The following ATF2 variants were observed in gnomAD, a reference collection of about 807,000 sequenced individuals.
The protein encoded by ATF2 is activating transcription factor 2, also known as cyclic AMP-dependent transcription factor ATF-2.
In ATF2, 24 loss-of-function variants were observed where a neutral mutation model predicts 60.6. The ratio of observed to expected loss-of-function variants is 0.40; its 90% CI spans 0.29 to 0.56. The LOEUF (loss-of-function observed/expected upper bound fraction) is 0.56, where lower values mean the gene tolerates loss of function less well. ATF2 is among the 20% of genes least tolerant of loss of function. ATF2 has a pLI of 0.54. For synonymous variants in ATF2, 206 were observed against 215.4 expected (o/e 0.96, Z 0.38); for missense variants, 433 against 607.7 (o/e 0.71, Z 3.02).
At chr2:175,087,780 T>C (rs533669810) in intron 12 of ATF2, among the ~76,000 whole-genome samples, 2 of 152,240 alleles carry the variant, frequency 1.3e-5, no homozygotes, top group Admixed American at 1.3e-4. Flanking sequence ...GAAAACAAAC[T>C]AGTTTTTAAA....
chr2:175,120,554 A>G (rs1696884015), intron 5 of ATF2, among the ~76,000 whole-genome samples: 1 of 151,692 alleles, frequency 6.6e-6, no homozygotes, highest in African/African-American at 2.4e-5. Context: ...ATACTGATTA[A>G]TAATTTAAAA....
At chr2:175,162,162 G>A (rs1700067417) in intron 1 of ATF2, among the ~76,000 whole-genome samples, 1 of 151,956 alleles carries the variant, frequency 6.6e-6, no homozygotes, top group African/African-American at 2.4e-5. Context: ...CAAAAGTTTT[G>A]GTAAACTTTA....
rs536266406 is a variant in ATF2 at position 175,136,327 on chromosome 2, A to G, written c.32+85T>C. 50 of 1,275,772 alleles carry G rather than the reference A, an allele frequency of 3.9e-5. 2 individuals are homozygous for G. In the East Asian group the frequency reaches 1.1e-3, roughly 29 times the overall value. The allele number at this position is 1,275,772 out of a possible 1,614,324, so 79.0% of individuals were successfully genotyped here. ...TTGTATGGAAAAAAACACCACAAAT[A>G]CTTACCTAATAGAAACAAGCTATAA... On this transcript the variant is annotated intron_variant, in intron 3 of 13. Transcript: ENST00000264110.
chr2:175,084,660 A>T (rs962667680), intron 12 of ATF2, among the ~76,000 whole-genome samples: 3 of 145,782 alleles, frequency 2.1e-5, no homozygotes, highest in African/African-American at 5.1e-5. Context: ...AAAAAAAGTT[A>T]AAAAAAAAAA....
chr2:175,158,733 G>A (rs1359120602), intron 1 of ATF2, among the ~76,000 whole-genome samples: 1 of 151,870 alleles, frequency 6.6e-6, no homozygotes, highest in African/African-American at 2.4e-5. Context: ...GATTGTAGGT[G>A]TGAGCCACTG....
chr2:175,157,560 T>C (rs1477111408), intron 1 of ATF2, among the ~76,000 whole-genome samples: 1 of 152,130 alleles, frequency 6.6e-6, no homozygotes, highest in Non-Finnish European at 1.5e-5. Flanking sequence ...GTAGATCCTA[T>C]TGATTGGTTG....
rs775216680 is a variant in ATF2, at chr2:175,092,002, C to A, written c.1185+1059G>T. 2.0e-5 allele frequency among the ~76,000 whole-genome samples: 3 copies of A among 152,024 alleles called. No individual in the cohort carries two copies. The South Asian group carries it at 6.2e-4, about 32-fold the overall frequency. On this transcript the variant is annotated intron_variant, in intron 12 of 13. Coordinates refer to ENST00000264110, the MANE Select transcript of ATF2 (RefSeq NM_001880.4). ...TTCTTCTAAATCATTAAAATAAAAT[C>A]GTTAAAAATAAGTTCTGCAAGACAA...
intron 3 of ATF2, chr2:175,132,753 A>C (rs1697826677): frequency 6.6e-6 from 1 of 152,218 alleles, no homozygotes; most frequent in African/African-American, 2.4e-5. Flanking sequence ...TAATGAATTC[A>C]GTATCTTTAA....
Position 175,135,006 on chromosome 2 carries a change from T to TAA in ATF2, c.32+1404_32+1405dup, listed in dbSNP as rs60122560. 9.2e-4 allele frequency among the ~76,000 whole-genome samples: 79 copies of TAA among 85,768 alleles called. 1 individual carries two copies. Among genetic ancestry groups the TAA allele is most frequent in the African/African-American group, 2.3e-3 (51 of 22,436 alleles). The allele number at this position is 85,768 out of a possible 152,430, so 56.3% of individuals were successfully genotyped here. On this transcript the variant is annotated intron_variant, in intron 3 of 13. Coordinates refer to ENST00000264110, the MANE Select transcript of ATF2 (RefSeq NM_001880.4). ...GTGACAAAATAAGACCCCATCTCTT[T>TAA]AAAAAAAAAAAAAAAAAAAAAAAAA...
At chr2:175,147,179 T>C (rs768538678) in intron 2 of ATF2, among the ~76,000 whole-genome samples, 13 of 152,206 alleles carry the variant, frequency 8.5e-5, no homozygotes, top group Non-Finnish European at 5.9e-5. Context: ...AAATATGACA[T>C]GTAGGTTAAG....
intron 12 of ATF2, among the ~76,000 whole-genome samples, chr2:175,089,289 G>A (rs1439877840): frequency 6.6e-6 from 1 of 152,002 alleles, no homozygotes; most frequent in Non-Finnish European, 1.5e-5. Flanking sequence ...CAATGATTTG[G>A]GAAAACTAAA....
chr2:175,075,096 T>C lies in ATF2; in HGVS notation c.1292-261A>G, dbSNP rs957909773. ...AGCTGAAGAAATATTTGCTAAATAGTGTTAAAGAAAGAAAATGAGGGAGAG... is the reference window on the plus strand; with the variant it reads ...AGCTGAAGAAATATTTGCTAAATAGCGTTAAAGAAAGAAAATGAGGGAGAG... On this transcript the variant is annotated intron_variant, in intron 13 of 13. Coordinates refer to ENST00000264110, the MANE Select transcript of ATF2 (RefSeq NM_001880.4). The C allele has an allele frequency of 7.8e-6, 10 of 1,282,198 alleles. No individual in the cohort carries two copies. The Admixed American group carries it at 3.2e-4, about 42-fold the overall frequency. 79.4% of individuals were successfully genotyped at this position (1,282,198 alleles called of 1,614,324 possible). A position where few individuals can be genotyped will look rare whatever the true frequency, so the allele number is the denominator to read the frequency against.
At chr2:175,100,877 T>C (rs1346530859) in intron 10 of ATF2, among the ~76,000 whole-genome samples, 2 of 152,176 alleles carry the variant, frequency 1.3e-5, no homozygotes, top group Non-Finnish European at 1.5e-5. Context: ...GGTGGATGCG[T>C]CAGGTTATAA....
chr2:175,076,821 A>T (rs528477288), intron 13 of ATF2, among the ~76,000 whole-genome samples: 13 of 151,878 alleles, frequency 8.6e-5, no homozygotes, highest in South Asian at 8.3e-4. Flanking sequence ...TTATACTTTA[A>T]GTTTTAGGGT....
intron 1 of ATF2, among the ~76,000 whole-genome samples, chr2:175,156,621 CAT>C (rs146213035): frequency 0.013 from 1,928 of 152,176 alleles, 41 homozygotes; most frequent in African/African-American, 0.044. Context: ...GCCCTTGGCT[CAT>C]AGCCAGTAAG....
intron 4 of ATF2, among the ~76,000 whole-genome samples, chr2:175,129,657 A>C (rs1697591857): frequency 1.3e-5 from 2 of 152,072 alleles, no homozygotes; most frequent in Non-Finnish European, 2.9e-5. Flanking sequence ...AAAAAAACTA[A>C]AATATTACTT....
chr2:175,103,197 A>C (rs552363674), intron 10 of ATF2, among the ~76,000 whole-genome samples: 5 of 152,242 alleles, frequency 3.3e-5, no homozygotes, highest in Non-Finnish European at 7.3e-5. Context: ...AATTTATGAA[A>C]AAGTCAGATC....
At chr2:175,159,936 A>G (rs957117801) in intron 1 of ATF2, among the ~76,000 whole-genome samples, 2 of 152,204 alleles carry the variant, frequency 1.3e-5, no homozygotes, top group African/African-American at 2.4e-5. Context: ...AATACCTTTC[A>G]TTGCTTTTTT....
intron 7 of ATF2, 141 bp from the exon 8 acceptor site, chr2:175,115,009 G>T (rs1170173495): frequency 6.1e-6 from 4 of 654,960 alleles, no homozygotes; most frequent in Admixed American, 3.8e-5. Context: ...TTAATTAAAA[G>T]AACATTTTAG....
Sources: allele counts gnomAD v4.1 joint callset (sites outside exome capture counted in the v4.1 genomes callset), GRCh38; gene constraint gnomAD v4.1.1; transcripts MANE v1.5; gene names NCBI Gene and HGNC (gene_info 2026-07-23, HGNC 2026-07-21).